The following CDC40 variants were observed in gnomAD, a reference collection of about 807,000 sequenced individuals.
CDC40 encodes pre-mRNA-processing factor 17.
Under a neutral mutation model 80.6 loss-of-function variants are expected in CDC40, and 27 were observed. That is an observed-to-expected ratio of 0.33 (90% CI 0.25 to 0.46). The LOEUF (loss-of-function observed/expected upper bound fraction) is 0.46. Ranked by LOEUF, CDC40 falls within the 20% of genes least tolerant of loss-of-function variation. CDC40 has a pLI of 1.00. For synonymous variants in CDC40, 221 were observed against 232.6 expected, an observed-to-expected ratio of 0.95 and a Z score of 0.45; for missense variants, 486 against 694.1, an observed-to-expected ratio of 0.70 and a Z score of 3.37.
intron 2 of CDC40, among the ~76,000 whole-genome samples, chr6:110,197,880 A>G (rs1410038800): frequency 6.6e-6 from 1 of 152,168 alleles, no homozygotes; most frequent in East Asian, 1.9e-4. Context: ...TCTCTTTGAC[A>G]TGCTGATGTC....
At chr6:110,198,700 T>C (rs886723762) in intron 2 of CDC40, among the ~76,000 whole-genome samples, 10 of 152,226 alleles carry the variant, frequency 6.6e-5, no homozygotes, top group Non-Finnish European at 1.2e-4. Context: ...TCTTCATTAT[T>C]GTTTGAGCTA....
intron 3 of CDC40, among the ~76,000 whole-genome samples, chr6:110,202,254 A>G (rs1447942294): frequency 7.2e-5 from 11 of 152,168 alleles, no homozygotes; most frequent in Admixed American, 7.2e-4. Flanking sequence ...ATACTTCACC[A>G]TGGTAAGATT....
intron 1 of CDC40, among the ~76,000 whole-genome samples, chr6:110,188,205 C>A (rs893337791): frequency 1.3e-5 from 2 of 152,142 alleles, no homozygotes; most frequent in Non-Finnish European, 1.5e-5. Flanking sequence ...TTGGAAAGAT[C>A]TCATATCCCA....
chr6:110,231,190 GA>G lies in CDC40; in HGVS notation c.*1063del. 6.6e-6 allele frequency: 1 copy of G among 152,138 alleles called. No individual in the cohort carries two copies. The highest frequency in any genetic ancestry group is 1.5e-5 in the Non-Finnish European group (1 of 68,000). The allele number at this position is 152,138 out of a possible 1,614,324, so 9.4% of individuals were successfully genotyped here. A position where few individuals can be genotyped will look rare whatever the true frequency, so the allele number is the denominator to read the frequency against. On this transcript the variant is annotated 3_prime_UTR_variant, in exon 15 of 15. Transcript: ENST00000307731. ...GTGGCCATGGTGAAAAATAGTTTTT[GA>G]AAACATCAGATTATAAAATCAAGAT...
intron 12 of CDC40, among the ~76,000 whole-genome samples, chr6:110,224,139 G>A (rs868293756): frequency 6.6e-6 from 1 of 151,728 alleles, no homozygotes; most frequent in African/African-American, 2.4e-5. Context: ...TATTTTAATC[G>A]ACCAAATGCA....
rs748803466 is a variant in CDC40, at chr6:110,209,193, G to T, written c.600G>T (p.Val200=). Residue 200 remains valine (V), a synonymous_variant, in exon 5 of 15, where the codon GTG becomes GTT. Coordinates refer to ENST00000307731, the MANE Select transcript of CDC40 (RefSeq NM_015891.3). ...DGFLGPWAKY[V]DEKDVAKPSE... is the part of the protein sequence containing the mutation. ...TTTTGGGACCATGGGCAAAATATGTGGATGAAAAAGATGTAGCCAAACCTT... is the reference window on the plus strand; with the variant it reads ...TTTTGGGACCATGGGCAAAATATGTTGATGAAAAAGATGTAGCCAAACCTT... 1.2e-6 allele frequency: 2 copies of T among 1,612,598 alleles called. No individual in the cohort carries two copies. The highest frequency in any genetic ancestry group is 1.7e-6 in the Non-Finnish European group (2 of 1,178,990).
intron 1 of CDC40, among the ~76,000 whole-genome samples, chr6:110,188,336 G>A (rs1202013279): frequency 6.6e-6 from 1 of 152,174 alleles, no homozygotes; most frequent in African/African-American, 2.4e-5. Flanking sequence ...AGCGGGAAAA[G>A]CATTTAATTT....
chr6:110,221,511 GGGTACC>G (rs1228412912), intron 12 of CDC40, among the ~76,000 whole-genome samples: 3 of 152,134 alleles, frequency 2.0e-5, no homozygotes, highest in African/African-American at 7.2e-5. Flanking sequence ...CCATGTTAGA[GGGTACC>G]TTACAGCTAA....
At chr6:110,191,340 T>C (rs1009216192) in intron 1 of CDC40, among the ~76,000 whole-genome samples, 1 of 152,234 alleles carries the variant, frequency 6.6e-6, no homozygotes, top group African/African-American at 2.4e-5. Context: ...GATGTTACTT[T>C]GCATTATCTT....
chr6:110,208,417 A>G lies in CDC40; in HGVS notation c.491-667A>G, dbSNP rs114266804. On this transcript the variant is annotated intron_variant, in intron 4 of 14. Coordinates refer to ENST00000307731, the MANE Select transcript of CDC40 (RefSeq NM_015891.3). ...CCTTTCTTTTTCCAAGTTAATGACTATACACAGTATGCCACCTCCTACTAA... is the reference window on the plus strand; with the variant it reads ...CCTTTCTTTTTCCAAGTTAATGACTGTACACAGTATGCCACCTCCTACTAA... 2.6e-3 allele frequency among the ~76,000 whole-genome samples: 391 copies of G among 152,266 alleles called. 1 individual carries two copies. Among genetic ancestry groups the G allele is most frequent in the African/African-American group, 9.1e-3 (379 of 41,576 alleles).
chr6:110,226,908 T>A (rs1330982440), intron 13 of CDC40, among the ~76,000 whole-genome samples: 1 of 152,052 alleles, frequency 6.6e-6, no homozygotes, highest in African/African-American at 2.4e-5. Context: ...TAGCCCTAGC[T>A]ACTTGGTCAG....
At chr6:110,222,925 A>G (rs940797362) in intron 12 of CDC40, among the ~76,000 whole-genome samples, 1 of 152,182 alleles carries the variant, frequency 6.6e-6, no homozygotes, top group South Asian at 2.1e-4. Context: ...CACGTGAACT[A>G]TCTGATTTAG....
chr6:110,209,631 CTATA>C (rs1562204283), intron 5 of CDC40, among the ~76,000 whole-genome samples: 1 of 152,024 alleles, frequency 6.6e-6, no homozygotes, highest in African/African-American at 2.4e-5. Context: ...AATTTTATCT[CTATA>C]TATATCTTAA....
chr6:110,218,207 T>C (rs564400324), intron 10 of CDC40, among the ~76,000 whole-genome samples: 1 of 152,304 alleles, frequency 6.6e-6, no homozygotes, highest in Non-Finnish European at 1.5e-5. Context: ...CACAGGCCAG[T>C]TGGTTTTATA....
At chr6:110,199,126 C>G (rs1447588352) in intron 2 of CDC40, 1 of 152,126 alleles carries the variant, frequency 6.6e-6, no homozygotes, top group Non-Finnish European at 1.5e-5. Flanking sequence ...CAGCTTAAAT[C>G]TGTGTGAGAC....
intron 1 of CDC40, among the ~76,000 whole-genome samples, 174 bp from the exon 2 acceptor site, chr6:110,193,008 T>C (rs1460647756): frequency 6.6e-6 from 1 of 152,184 alleles, no homozygotes; most frequent in East Asian, 1.9e-4. Context: ...AAAGAAACTT[T>C]TTTATGTATT....
intron 10 of CDC40, 94 bp from the exon 11 acceptor site, chr6:110,219,270 T>C (rs1777737448): frequency 1.9e-6 from 1 of 531,100 alleles, no homozygotes; most frequent in South Asian, 3.7e-5. Context: ...TTCCTCAAAA[T>C]GTATTAAGCA....
chr6:110,194,422 T>A (rs2114652383), intron 2 of CDC40, among the ~76,000 whole-genome samples: 1 of 152,334 alleles, frequency 6.6e-6, no homozygotes, highest in African/African-American at 2.4e-5. Context: ...ATAGTACTTT[T>A]CCTGCCTAGG....
chr6:110,215,663 A>G lies in CDC40; in HGVS notation c.988+332A>G, dbSNP rs1053985263. Among the ~76,000 whole-genome samples, 5 of 152,304 alleles carry G rather than the reference A, an allele frequency of 3.3e-5. No homozygotes were observed. In the South Asian group the frequency reaches 1.0e-3, roughly 32 times the overall value. On this transcript the variant is annotated intron_variant, in intron 9 of 14. Coordinates refer to ENST00000307731, the MANE Select transcript of CDC40 (RefSeq NM_015891.3). The stretch of plus-strand genomic sequence containing the variant: ...AGTATGGAAGACCTCCTGTGCCATT[A>G]ATAAAGAGTTTAGCCTCTGTTGTGA...
Sources: allele counts gnomAD v4.1 joint callset (sites outside exome capture counted in the v4.1 genomes callset), GRCh38; gene constraint gnomAD v4.1.1; transcripts MANE v1.5; gene names NCBI Gene and HGNC (gene_info 2026-07-23, HGNC 2026-07-21).